Variants in GALNT13 observed in about 807,000 individuals in gnomAD.
GALNT13 encodes the protein polypeptide N-acetylgalactosaminyltransferase 13.
A neutral mutation model predicts 64.2 loss-of-function variants in GALNT13; 28 were observed. The ratio of observed to expected loss-of-function variants is 0.44; its 90% CI spans 0.32 to 0.60. The LOEUF (loss-of-function observed/expected upper bound fraction) is 0.60, where lower values mean the gene tolerates loss of function less well. Among genes scored for constraint, GALNT13 ranks in the 20% least tolerant of loss-of-function variants. The probability of loss-of-function intolerance (pLI) is 0.05; values close to 1 mark genes in which losing one functional copy is unlikely to be tolerated. For missense variants in GALNT13, 577 were observed against 669.8 expected (o/e 0.86, Z 1.53); for synonymous variants, 214 against 224.6 (o/e 0.95, Z 0.42).
chr2:153,326,743 G>A, the GALNT13 span, among the ~76,000 whole-genome samples: 2 of 152,122 alleles, frequency 1.3e-5, no homozygotes, highest in African/African-American at 4.8e-5. Flanking sequence ...CTTTGCTTAT[G>A]AGCTTAGTTT....
At chr2:153,954,361 C>A (rs897600888) in intron 3 of GALNT13, among the ~76,000 whole-genome samples, 4 of 151,992 alleles carry the variant, frequency 2.6e-5, no homozygotes, top group South Asian at 2.1e-4. Flanking sequence ...TATACCAACA[C>A]AATTGATTTG....
chr2:153,292,390 GA>G, the GALNT13 span, among the ~76,000 whole-genome samples: 1 of 152,146 alleles, frequency 6.6e-6, no homozygotes, highest in Non-Finnish European at 1.5e-5. Flanking sequence ...TTAAAAGCTG[GA>G]TTTATAATAA....
chr2:153,490,120 T>C, the GALNT13 span, among the ~76,000 whole-genome samples: 1 of 152,166 alleles, frequency 6.6e-6, no homozygotes, highest in Non-Finnish European at 1.5e-5. Context: ...GAAGACAAAG[T>C]GTCCTGGCGT....
chr2:153,655,463 G>GA, the GALNT13 span, among the ~76,000 whole-genome samples: 2 of 151,988 alleles, frequency 1.3e-5, no homozygotes, highest in South Asian at 4.1e-4. Flanking sequence ...AAATAATGTT[G>GA]AAATGCTCTA....
At chr2:154,350,966 A>G (rs1426020062) in intron 9 of GALNT13, among the ~76,000 whole-genome samples, 2 of 152,174 alleles carry the variant, frequency 1.3e-5, no homozygotes, top group African/African-American at 4.8e-5. Context: ...AACAGTAAAC[A>G]GTTTGATGTT....
chr2:154,184,808 A>G (rs1416312455), intron 4 of GALNT13, among the ~76,000 whole-genome samples: 1 of 152,112 alleles, frequency 6.6e-6, no homozygotes, highest in East Asian at 1.9e-4. Flanking sequence ...TTCATATAAT[A>G]TATCATTTAA....
At chr2:154,304,348 A>G (rs557638600) in intron 9 of GALNT13, among the ~76,000 whole-genome samples, 2 of 152,358 alleles carry the variant, frequency 1.3e-5, no homozygotes, top group South Asian at 4.1e-4. Flanking sequence ...TGACATTTAT[A>G]TAACCTTTTC....
At chr2:153,324,971 G>T in the GALNT13 span, among the ~76,000 whole-genome samples, 1 of 152,086 alleles carries the variant, frequency 6.6e-6, no homozygotes, top group Admixed American at 6.5e-5. Context: ...ACCAGGTTTT[G>T]TTATAAGGAT....
the GALNT13 span, among the ~76,000 whole-genome samples, chr2:153,831,666 C>T: frequency 3.9e-5 from 6 of 152,136 alleles, no homozygotes; most frequent in Non-Finnish European, 8.8e-5. Flanking sequence ...TCCCTGTTTC[C>T]TCAGCCTTAG....
chr2:153,352,230 T>C, the GALNT13 span, among the ~76,000 whole-genome samples: 2 of 152,328 alleles, frequency 1.3e-5, no homozygotes, highest in South Asian at 2.1e-4. Flanking sequence ...TCTCTTGATA[T>C]GCTTATTTGC....
At chr2:153,832,416 G>T in the GALNT13 span, among the ~76,000 whole-genome samples, 1 of 152,044 alleles carries the variant, frequency 6.6e-6, no homozygotes, top group Non-Finnish European at 1.5e-5. Flanking sequence ...AAAAATAAGT[G>T]GAGTTATCAT....
the GALNT13 span, among the ~76,000 whole-genome samples, chr2:153,069,640 T>C: frequency 2.6e-5 from 4 of 152,208 alleles, no homozygotes; most frequent in Non-Finnish European, 4.4e-5. Context: ...TATAGTCCCA[T>C]GCTTGTTCTA....
At chr2:153,140,093 A>G in the GALNT13 span, among the ~76,000 whole-genome samples, 1 of 152,048 alleles carries the variant, frequency 6.6e-6, no homozygotes, top group African/African-American at 2.4e-5. Flanking sequence ...TAATCTTACC[A>G]TCCATTCCTT....
chr2:153,184,159 T>A, the GALNT13 span, among the ~76,000 whole-genome samples: 255 of 152,308 alleles, frequency 1.7e-3, no homozygotes, highest in African/African-American at 5.9e-3. Flanking sequence ...AGCAATGTTG[T>A]GTAGTTTTCT....
intron 4 of GALNT13, among the ~76,000 whole-genome samples, chr2:154,159,290 A>G (rs1051240110): frequency 6.6e-6 from 1 of 151,942 alleles, no homozygotes; most frequent in African/African-American, 2.4e-5. Flanking sequence ...ACATGCCACC[A>G]TGCCAGGCTA....
At chr2:153,502,208 A>G in the GALNT13 span, among the ~76,000 whole-genome samples, 1 of 152,082 alleles carries the variant, frequency 6.6e-6, no homozygotes, top group Admixed American at 6.6e-5. Context: ...TGTACACTGT[A>G]CTCAATGTGT....
chr2:153,763,924 A>T, the GALNT13 span, among the ~76,000 whole-genome samples: 2 of 151,888 alleles, frequency 1.3e-5, no homozygotes, highest in Non-Finnish European at 2.9e-5. Flanking sequence ...ACAGAGGAAG[A>T]TATGTGAAAG....
At chr2:154,222,697 T>C (rs964307937) in intron 4 of GALNT13, among the ~76,000 whole-genome samples, 4 of 152,106 alleles carry the variant, frequency 2.6e-5, no homozygotes, top group African/African-American at 7.2e-5. Context: ...TCTAGCTATT[T>C]ATAATACTTT....
intron 4 of GALNT13, among the ~76,000 whole-genome samples, chr2:154,179,368 A>T (rs1469015502): frequency 6.6e-6 from 1 of 152,210 alleles, no homozygotes; most frequent in African/African-American, 2.4e-5. Context: ...CTGCATGTGA[A>T]ATATATAATG....
Sources: allele counts gnomAD v4.1 joint callset (sites outside exome capture counted in the v4.1 genomes callset), GRCh38; gene constraint gnomAD v4.1.1; transcripts MANE v1.5; gene names NCBI Gene and HGNC (gene_info 2026-07-23, HGNC 2026-07-21).